Variants in SCN3A observed in about 807,000 individuals in gnomAD.
SCN3A encodes sodium channel protein type 3 subunit alpha.
In SCN3A, 60 loss-of-function variants were observed where a neutral mutation model predicts 187.6. That is an observed-to-expected ratio of 0.32 (90% CI 0.26 to 0.40). The LOEUF is 0.40. Among genes scored for constraint, SCN3A ranks in the 10% least tolerant of loss-of-function variants. The pLI is 1.00. For missense variants in SCN3A, 1,601 were observed against 2,428.2 expected, an observed-to-expected ratio of 0.66 and a Z score of 7.16; for synonymous variants, 788 against 829.2, an observed-to-expected ratio of 0.95 and a Z score of 0.85.
chr2:165,112,783 A>G (rs1042939394), intron 21 of SCN3A, 102 bp downstream of exon 21: 34 of 1,035,136 alleles, frequency 3.3e-5, no homozygotes, highest in Non-Finnish European at 5.0e-5. Context: ...ATAACTGCAT[A>G]ATTATGTCAT....
Position 165,159,467 on chromosome 2 carries a change from C to G in SCN3A, c.1031+2841G>C, listed in dbSNP as rs182433948. On this transcript the variant is annotated intron_variant, in intron 9 of 27. Transcript: ENST00000283254. ...GACCTCCCAGGCTCAAGTAATCCTTCTGCCTCAGCCTCCTGAGTAGCTGGT... is the reference window on the plus strand; with the variant it reads ...GACCTCCCAGGCTCAAGTAATCCTTGTGCCTCAGCCTCCTGAGTAGCTGGT... Among the ~76,000 whole-genome samples, 59 of 137,038 alleles carry G rather than the reference C, an allele frequency of 4.3e-4. 10 individuals are homozygous for G. The highest frequency in any genetic ancestry group is 1.4e-3 in the Admixed American group (18 of 13,098). 89.9% of individuals were successfully genotyped at this position (137,038 alleles called of 152,430 possible).
intron 18 of SCN3A, among the ~76,000 whole-genome samples, chr2:165,126,298 G>T (rs1183646682): frequency 6.6e-6 from 1 of 152,042 alleles, no homozygotes; most frequent in Non-Finnish European, 1.5e-5. Flanking sequence ...CACAACACAG[G>T]ATTGAAGAAT....
At chr2:165,095,481 G>T in intron 25 of SCN3A, 30 bp downstream of exon 25, 1 of 1,606,290 alleles carries the variant, frequency 6.2e-7, no homozygotes, top group South Asian at 1.1e-5. Context: ...ACCCCAGAAT[G>T]AAGAAAGGTA....
Position 165,140,589 on chromosome 2 carries a change from C to T in SCN3A, c.2019+62G>A. On this transcript the variant is annotated intron_variant, in intron 13 of 27. Transcript: ENST00000283254. This position sits in a 1 kb window ranked among gnomAD's most constrained non-coding sequence, Gnocchi z 4.2. ...GGACGGTATGACAGCCTAAACTGTC[C>T]AGGCTTTGATTATTTCAAATTGGTG... 2 of 1,456,230 alleles carry T rather than the reference C, an allele frequency of 1.4e-6. No individual in the cohort carries two copies. The highest frequency in any genetic ancestry group is 1.4e-5 in the African/African-American group (1 of 71,892). The allele number at this position is 1,456,230 out of a possible 1,614,324, so 90.2% of individuals were successfully genotyped here. A position where few individuals can be genotyped will look rare whatever the true frequency, so the allele number is the denominator to read the frequency against.
chr2:165,160,217 C>T (rs1689274817), intron 9 of SCN3A, among the ~76,000 whole-genome samples: 1 of 93,348 alleles, frequency 1.1e-5, no homozygotes, highest in Non-Finnish European at 1.9e-5. Flanking sequence ...TTTGGGAGGC[C>T]GAGGCAGGTG....
Position 165,147,006 on chromosome 2 carries a change from A to G in SCN3A, c.1404T>C (p.Ala468=). The G allele has an allele frequency of 1.9e-6, 3 of 1,613,968 alleles. No homozygotes were observed. In the South Asian group the frequency reaches 3.3e-5, roughly 18 times the overall value. ...EAQAVAAASA[A]SRDFSGIGGL... ...CACCTATTCCACTGAAATCTCTTGA[A>G]GCAGCTGATGCTGCCGCAACTGCCT... The change falls in exon 12 of 28, where the codon GCT becomes GCC. Residue 468 remains alanine, a synonymous_variant. Transcript: ENST00000283254.
intron 21 of SCN3A, among the ~76,000 whole-genome samples, chr2:165,103,743 T>A (rs1306133436): frequency 6.6e-6 from 1 of 152,144 alleles, no homozygotes; most frequent in Non-Finnish European, 1.5e-5. Flanking sequence ...AACAGGAATT[T>A]TTTTTCCTTG....
In SCN3A at chr2:165,155,850, C is replaced by T; in HGVS notation, c.1085G>A (p.Gly362Asp). The part of the protein sequence containing the change: ...CVKAGRNPNY[G>D]YTSFDTFSWA... ...GCTAAAGGTGTCAAAGCTTGTGTAG[C>T]CATAGTTGGGGTTTCGACCAGCCTT... The change falls in exon 10 of 28, where the codon GGC (glycine) becomes GAC (aspartate). Residue 362 changes from glycine to aspartate, a missense_variant. Gly to Asp is a moderately conservative substitution (Grantham distance 94). Around this residue, in one of 11 missense-constraint regions of SCN3A, gnomAD observed 47 missense variants for 105.8 expected, o/e 0.44. Coordinates refer to ENST00000283254, the MANE Select transcript of SCN3A (RefSeq NM_006922.4). The T allele has an allele frequency of 6.2e-7, 1 of 1,614,024 alleles. No individual in the cohort carries two copies. The highest frequency in any genetic ancestry group is 8.5e-7 in the Non-Finnish European group (1 of 1,179,974).
intron 13 of SCN3A, 102 bp from the exon 14 acceptor site, chr2:165,139,710 G>T: frequency 6.9e-7 from 1 of 1,439,320 alleles, no homozygotes; most frequent in Non-Finnish European, 9.7e-7. Context: ...ATTTTTCCAG[G>T]TAAGAATTTT....
intron 11 of SCN3A, among the ~76,000 whole-genome samples, chr2:165,150,645 A>G (rs375393645): frequency 1.3e-5 from 2 of 152,232 alleles, no homozygotes; most frequent in Non-Finnish European, 2.9e-5. Context: ...CATCATAATC[A>G]TAGGTTCTTT....
At chr2:165,107,590 C>T (rs1013425169) in intron 21 of SCN3A, among the ~76,000 whole-genome samples, 10 of 152,232 alleles carry the variant, frequency 6.6e-5, no homozygotes, top group Non-Finnish European at 7.3e-5. Context: ...TAGCAAGGCA[C>T]CATCTCATTG....
chr2:165,156,901 GT>G (rs1004175230), intron 9 of SCN3A, among the ~76,000 whole-genome samples: 7 of 151,516 alleles, frequency 4.6e-5, no homozygotes, highest in South Asian at 2.1e-4. Flanking sequence ...GATTTCATCA[GT>G]TTTTTTCTTT....
chr2:165,147,436 C>T (rs183940820), intron 11 of SCN3A, among the ~76,000 whole-genome samples: 3 of 152,100 alleles, frequency 2.0e-5, no homozygotes, highest in South Asian at 2.1e-4. Flanking sequence ...GCAGCTGAGT[C>T]GTATTTTTTC....
chr2:165,156,902 T>C (rs1202470638), intron 9 of SCN3A, among the ~76,000 whole-genome samples: 1 of 151,766 alleles, frequency 6.6e-6, no homozygotes, highest in Non-Finnish European at 1.5e-5. Context: ...ATTTCATCAG[T>C]TTTTTTCTTT....
intron 18 of SCN3A, among the ~76,000 whole-genome samples, chr2:165,121,930 G>A (rs555018012): frequency 7.0e-4 from 107 of 152,014 alleles, no homozygotes; most frequent in African/African-American, 2.5e-3. Flanking sequence ...TCTCTTTTTT[G>A]CCTGGTCAGT....
At chr2:165,167,277 T>C (rs1180553345) in intron 5 of SCN3A, among the ~76,000 whole-genome samples, 2 of 152,198 alleles carry the variant, frequency 1.3e-5, no homozygotes, top group African/African-American at 4.8e-5. Context: ...AAATCATGTA[T>C]AGTAAATGAG....
chr2:165,202,280 G>T (rs1692372326), intron 1 of SCN3A, among the ~76,000 whole-genome samples: 3 of 151,976 alleles, frequency 2.0e-5, no homozygotes. Flanking sequence ...CTAAGAGACT[G>T]TTGCAACTAT....
chr2:165,188,623 A>G (rs983685388), intron 1 of SCN3A, among the ~76,000 whole-genome samples: 1 of 151,962 alleles, frequency 6.6e-6, no homozygotes, highest in African/African-American at 2.4e-5. Flanking sequence ...CCCCGTCTCT[A>G]CTAAAAATAC....
chr2:165,152,706 T>C (rs914142332), intron 11 of SCN3A, among the ~76,000 whole-genome samples: 1 of 152,082 alleles, frequency 6.6e-6, no homozygotes, highest in Non-Finnish European at 1.5e-5. Flanking sequence ...AAAAGTGTTC[T>C]TATTTCTCCA....
Sources: gnomAD v4.1 joint callset for allele counts (sites outside exome capture counted in the v4.1 genomes callset) on GRCh38, gnomAD v4.1.1 for gene constraint, gnomAD v4.1.1 regional missense constraint, Gnocchi (gnomAD v3.1) non-coding constraint, MANE v1.5 for transcripts, NCBI Gene and HGNC (gene_info 2026-07-23, HGNC 2026-07-21) for gene names.